The following RTN4R variants were observed in gnomAD, a reference collection of about 807,000 sequenced individuals.
RTN4R encodes the protein reticulon 4 receptor, also known as reticulon-4 receptor.
RTN4R carries 4 observed loss-of-function variants against 27.7 expected under a neutral mutation model. The ratio of observed to expected loss-of-function variants is 0.14; its 90% CI spans 0.07 to 0.33. The LOEUF is 0.33. Among genes scored for constraint, RTN4R ranks in the 10% least tolerant of loss-of-function variants. The pLI is 1.00. For missense variants in RTN4R, 554 were observed against 671.5 expected (o/e 0.83, Z 1.93); for synonymous variants, 290 against 305.6 (o/e 0.95, Z 0.53).
At chr22:20,263,674 C>T (rs138265581) in intron 1 of RTN4R, among the ~76,000 whole-genome samples, 248 of 152,368 alleles carry the variant, frequency 1.6e-3, no homozygotes, top group Non-Finnish European at 2.8e-3. Context: ...TTCCACCTGC[C>T]AGGCCTGTGT....
rs938497859 is a variant in RTN4R at position 20,242,263 on chromosome 22, C to A, written c.870G>T (p.Pro290=). ...GSSSEVPCSL[P]QRLAGRDLKR... ...TGAGGTCACGGCCAGCCAGGCGTTG[C>A]GGGAGGCTGCAGGGCACCTCGGAGG... The change falls in exon 2 of 2, where the codon CCG becomes CCT. Residue 290 remains proline (P), a synonymous_variant. Transcript: ENST00000043402. 1 of 1,597,908 alleles carries A rather than the reference C, an allele frequency of 6.3e-7. No homozygotes were observed.
At chr22:20,245,966 G>C (rs1416265913) in intron 1 of RTN4R, among the ~76,000 whole-genome samples, 1 of 152,198 alleles carries the variant, frequency 6.6e-6, no homozygotes, top group Non-Finnish European at 1.5e-5. Context: ...CTGAGCCTGC[G>C]AGGGCCCCAG....
At chr22:20,266,261 C>T (rs1183189335) in intron 1 of RTN4R, among the ~76,000 whole-genome samples, 2 of 152,252 alleles carry the variant, frequency 1.3e-5, no homozygotes. Flanking sequence ...GGTCCCCACT[C>T]TATAGATGAG....
At chr22:20,253,984 C>CA (rs1249363543) in intron 1 of RTN4R, among the ~76,000 whole-genome samples, 14 of 151,908 alleles carry the variant, frequency 9.2e-5, no homozygotes, top group Non-Finnish European at 2.1e-4. Context: ...GAAGAGAAAA[C>CA]AAAAAAACTG....
chr22:20,259,151 T>C (rs1377609332), intron 1 of RTN4R, among the ~76,000 whole-genome samples: 1 of 152,070 alleles, frequency 6.6e-6, no homozygotes, highest in Non-Finnish European at 1.5e-5. Flanking sequence ...GGGAGGTTGG[T>C]GCCCCACCCA....
At chr22:20,265,196 G>A (rs2049407123) in intron 1 of RTN4R, among the ~76,000 whole-genome samples, 1 of 152,230 alleles carries the variant, frequency 6.6e-6, no homozygotes, top group Admixed American at 6.5e-5. Flanking sequence ...CAGGGACGAG[G>A]AGAGGGCAAT....
chr22:20,262,268 T>G (rs1000197364), intron 1 of RTN4R, among the ~76,000 whole-genome samples: 1 of 152,016 alleles, frequency 6.6e-6, no homozygotes, highest in African/African-American at 2.4e-5. Context: ...TGGGGAGCTG[T>G]GTGTGCAGGA....
At chr22:20,245,400 G>C (rs995589363) in intron 1 of RTN4R, among the ~76,000 whole-genome samples, 1 of 152,204 alleles carries the variant, frequency 6.6e-6, no homozygotes. Context: ...CGAGCAGGAG[G>C]GGGCATCTTT....
chr22:20,251,046 G>C (rs927703366), intron 1 of RTN4R, among the ~76,000 whole-genome samples: 1 of 152,178 alleles, frequency 6.6e-6, no homozygotes, highest in Non-Finnish European at 1.5e-5. Flanking sequence ...GGTCTCTGGG[G>C]ACAGGGCCCC....
chr22:20,250,943 C>T (rs1001745674), intron 1 of RTN4R, among the ~76,000 whole-genome samples: 2 of 152,148 alleles, frequency 1.3e-5, no homozygotes, highest in East Asian at 1.9e-4. Flanking sequence ...TGACACAGTC[C>T]GGCTTCGGAG....
Position 20,242,909 on chromosome 22 carries a change from G to A in RTN4R, c.224C>T (p.Ala75Val), listed in dbSNP as rs1344125170. 2.5e-6 allele frequency: 4 copies of A among 1,611,706 alleles called. No individual in the cohort carries two copies. In the African/African-American group the frequency reaches 5.3e-5, roughly 22 times the overall value. ...GAGGTTGCGGCAGGCACGGAAGCTG[G>A]CAGCTGGCACATGCGAGATGCGGTT... is the stretch of plus-strand genomic sequence containing the variant. ...HGNRISHVPA[A>V]SFRACRNLTI... Residue 75 changes from alanine to valine, a missense_variant, in exon 2 of 2, where the codon GCC (alanine) becomes GTC (valine). Transcript: ENST00000043402.
At chr22:20,261,411 G>T (rs2051245902) in intron 1 of RTN4R, among the ~76,000 whole-genome samples, 1 of 152,214 alleles carries the variant, frequency 6.6e-6, no homozygotes, top group Non-Finnish European at 1.5e-5. Flanking sequence ...CTGGAGCCAG[G>T]TGCACCAGGA....
chr22:20,257,062 T>C (rs1049833808), intron 1 of RTN4R, among the ~76,000 whole-genome samples: 1 of 152,194 alleles, frequency 6.6e-6, no homozygotes, highest in Admixed American at 6.5e-5. Flanking sequence ...GCTCCATAAA[T>C]GTTAGTCATG....
At chr22:20,260,951 C>G (rs920364491) in intron 1 of RTN4R, among the ~76,000 whole-genome samples, 3 of 152,170 alleles carry the variant, frequency 2.0e-5, no homozygotes, top group African/African-American at 7.2e-5. Context: ...TAGCCCTGCC[C>G]GGACCCTGTG....
chr22:20,258,733 G>A (rs527604438), intron 1 of RTN4R, among the ~76,000 whole-genome samples: 20 of 152,326 alleles, frequency 1.3e-4, no homozygotes, highest in Middle Eastern at 3.4e-3. Flanking sequence ...GATGGAGACC[G>A]TCCTGCAACA....
At chr22:20,264,719 G>C (rs989596002) in intron 1 of RTN4R, among the ~76,000 whole-genome samples, 4 of 152,220 alleles carry the variant, frequency 2.6e-5, no homozygotes, top group Admixed American at 1.3e-4. Context: ...AGGGACCCGA[G>C]AGGGCATCTG....
intron 1 of RTN4R, among the ~76,000 whole-genome samples, chr22:20,267,394 G>A (rs1332918679): frequency 6.6e-6 from 1 of 152,186 alleles, no homozygotes; most frequent in Non-Finnish European, 1.5e-5. Context: ...CAGCCGGTGG[G>A]GCGGGGGAGT....
chr22:20,263,538 G>A (rs1274332776), intron 1 of RTN4R, among the ~76,000 whole-genome samples: 9 of 152,250 alleles, frequency 5.9e-5, no homozygotes, highest in Non-Finnish European at 1.0e-4. Flanking sequence ...ATGCCAGGGT[G>A]CTGACTGGAG....
At chr22:20,243,314 CT>C in intron 1 of RTN4R, 1 of 696,106 alleles carries the variant, frequency 1.4e-6, no homozygotes, top group South Asian at 1.6e-5. Flanking sequence ...TAGAACATGC[CT>C]TGGAGCCATG....
Sources: gnomAD v4.1 joint callset for allele counts (sites outside exome capture counted in the v4.1 genomes callset) on GRCh38, gnomAD v4.1.1 for gene constraint, MANE v1.5 for transcripts, NCBI Gene and HGNC (gene_info 2026-07-23, HGNC 2026-07-21) for gene names.